Variants in PTBP2 observed in about 807,000 individuals in gnomAD.
PTBP2 encodes polypyrimidine tract-binding protein 2.
In PTBP2, 13 loss-of-function variants were observed where a neutral mutation model predicts 61.4. That is an observed-to-expected ratio of 0.21 (90% CI 0.14 to 0.34). PTBP2 has a LOEUF of 0.34. Among genes scored for constraint, PTBP2 ranks in the 10% least tolerant of loss-of-function variants. PTBP2 has a pLI of 1.00. For missense variants in PTBP2, 405 were observed against 642.6 expected (o/e 0.63, Z 4.00); for synonymous variants, 215 against 218.5 (o/e 0.98, Z 0.14).
At chr1:96,731,820 G>A (rs973531166) in intron 2 of PTBP2, among the ~76,000 whole-genome samples, 129 of 152,084 alleles carry the variant, frequency 8.5e-4, no homozygotes, top group African/African-American at 2.9e-3. Context: ...TATATTCTTC[G>A]TAATTTGTAA....
At chr1:96,792,219 G>A (rs1659924586) in intron 8 of PTBP2, among the ~76,000 whole-genome samples, 1 of 152,068 alleles carries the variant, frequency 6.6e-6, no homozygotes, top group African/African-American at 2.4e-5. Context: ...TCAATCCTAG[G>A]AGCCAAAAGT....
chr1:96,752,371 T>A (rs185238977), intron 3 of PTBP2, among the ~76,000 whole-genome samples: 1 of 152,274 alleles, frequency 6.6e-6, no homozygotes, highest in Non-Finnish European at 1.5e-5. Flanking sequence ...CATGAAAGAC[T>A]AGAAGACATT....
chr1:96,782,863 A>G (rs1159041847), intron 7 of PTBP2, among the ~76,000 whole-genome samples: 1 of 151,984 alleles, frequency 6.6e-6, no homozygotes, highest in Non-Finnish European at 1.5e-5. Flanking sequence ...TGCTTTAATT[A>G]TGCTTTCTGT....
intron 3 of PTBP2, among the ~76,000 whole-genome samples, chr1:96,761,762 G>T (rs1456544850): frequency 6.6e-6 from 1 of 151,492 alleles, no homozygotes; most frequent in Non-Finnish European, 1.5e-5. Flanking sequence ...ATTTTTTATT[G>T]ATCATTCTTG....
chr1:96,816,995 TA>T (rs1309808916), downstream of PTBP2: 1 of 152,144 alleles, frequency 6.6e-6, no homozygotes, highest in Non-Finnish European at 1.5e-5. Context: ...ACTAGTTTCA[TA>T]AAGCAGAAAG....
chr1:96,754,637 G>GC (rs1475163318), intron 3 of PTBP2, among the ~76,000 whole-genome samples: 7 of 152,218 alleles, frequency 4.6e-5, no homozygotes, highest in Non-Finnish European at 1.5e-5. Context: ...ATTAAAAATA[G>GC]CATCATAATA....
At chr1:96,778,637 T>G (rs1658310433) in intron 7 of PTBP2, among the ~76,000 whole-genome samples, 1 of 152,110 alleles carries the variant, frequency 6.6e-6, no homozygotes, top group Admixed American at 6.6e-5. Context: ...ATTATTACTA[T>G]TCCATTATTA....
In PTBP2 at chr1:96,737,314, A is replaced by T. The variant is rs187581933; in HGVS notation, c.39+13720A>T. Among the ~76,000 whole-genome samples, 24 of 152,252 alleles carry T rather than the reference A, an allele frequency of 1.6e-4. 1 individual carries two copies. The East Asian group carries it at 3.9e-3, about 25-fold the overall frequency. ...AATGTGGCTAATAGAAATTTATGAG[A>T]TTATATTTATGGTTCATACTACGTT... On this transcript the variant is annotated intron_variant, in intron 2 of 13. Transcript: ENST00000674951.
chr1:96,806,503 A>C, intron 10 of PTBP2, 51 bp downstream of exon 10: 1 of 1,542,616 alleles, frequency 6.5e-7, no homozygotes, highest in Non-Finnish European at 8.9e-7. Context: ...TTTTTGTTTC[A>C]CCTTAATTCT....
chr1:96,744,364 G>A (rs1292016050), intron 2 of PTBP2, among the ~76,000 whole-genome samples: 5 of 151,872 alleles, frequency 3.3e-5, no homozygotes, highest in East Asian at 1.9e-4. Flanking sequence ...TTTTTTTAAC[G>A]TAGAAAATGT....
intron 3 of PTBP2, among the ~76,000 whole-genome samples, chr1:96,768,144 C>T (rs1656950638): frequency 6.6e-6 from 1 of 152,026 alleles, no homozygotes; most frequent in Non-Finnish European, 1.5e-5. Context: ...AAGCACATCA[C>T]TGTTTTACCT....
chr1:96,723,079 C>T (rs1399580042), intron 1 of PTBP2, among the ~76,000 whole-genome samples: 1 of 152,110 alleles, frequency 6.6e-6, no homozygotes, highest in South Asian at 2.1e-4. Context: ...TTAACACAGT[C>T]TCACAGAATT....
chr1:96,754,477 C>CT (rs1469212866), intron 3 of PTBP2, among the ~76,000 whole-genome samples: 1 of 152,030 alleles, frequency 6.6e-6, no homozygotes, highest in African/African-American at 2.4e-5. Flanking sequence ...AGTGTTAACT[C>CT]TAACATAAAA....
intron 8 of PTBP2, among the ~76,000 whole-genome samples, chr1:96,802,255 C>T (rs915463770): frequency 6.8e-6 from 1 of 147,210 alleles, no homozygotes. Flanking sequence ...AACAAAAACT[C>T]CTTGTGATTC....
chr1:96,747,888 T>C (rs1654052214), intron 2 of PTBP2, among the ~76,000 whole-genome samples: 1 of 149,044 alleles, frequency 6.7e-6, no homozygotes. Context: ...TTTCATTGTC[T>C]TTTTTTTTTA....
At position 96,813,565 on chromosome 1, in the gene PTBP2, G is replaced by A; in HGVS notation, c.*160G>A. ...TGTTATCATTCCTTGGTTATAAAATGAAATGGCATATGTAAAGGCAGAGTT... is the reference window on the plus strand; with the variant it reads ...TGTTATCATTCCTTGGTTATAAAATAAAATGGCATATGTAAAGGCAGAGTT... On this transcript the variant is annotated 3_prime_UTR_variant, in exon 14 of 14. Transcript: ENST00000674951. The A allele has an allele frequency of 5.2e-6, 3 of 571,880 alleles. No homozygotes were observed. The highest frequency in any genetic ancestry group is 5.3e-6 in the Non-Finnish European group (2 of 376,136). The allele number at this position is 571,880 out of a possible 1,614,324, so 35.4% of individuals were successfully genotyped here.
chr1:96,787,268 C>T (rs571857034), intron 8 of PTBP2, among the ~76,000 whole-genome samples: 6 of 152,208 alleles, frequency 3.9e-5, no homozygotes, highest in South Asian at 4.1e-4. Flanking sequence ...GTGATCTGCC[C>T]GCCTCAGCCT....
At chr1:96,767,960 T>C (rs1371254776) in intron 3 of PTBP2, among the ~76,000 whole-genome samples, 1 of 152,052 alleles carries the variant, frequency 6.6e-6, no homozygotes, top group Non-Finnish European at 1.5e-5. Context: ...CTAAGGGGAT[T>C]TTTAAATGCA....
intron 7 of PTBP2, among the ~76,000 whole-genome samples, chr1:96,783,997 T>A (rs188046854): frequency 3.9e-5 from 6 of 152,128 alleles, no homozygotes; most frequent in African/African-American, 1.4e-4. Context: ...ATAAAAAAAT[T>A]CGTATATTAA....
Sources: allele counts gnomAD v4.1 joint callset (sites outside exome capture counted in the v4.1 genomes callset), GRCh38; gene constraint gnomAD v4.1.1; transcripts MANE v1.5; gene names NCBI Gene and HGNC (gene_info 2026-07-23, HGNC 2026-07-21).